Variants in SESTD1 observed in about 807,000 individuals in gnomAD.
The protein encoded by SESTD1 is SEC14 and spectrin domain containing 1, also known as SEC14 domain and spectrin repeat-containing protein 1.
Under a neutral mutation model 101.7 loss-of-function variants are expected in SESTD1, and 43 were observed. The observed-to-expected ratio is 0.42, with a 90% CI of 0.33 to 0.55. SESTD1 has a LOEUF of 0.55. Ranked by LOEUF, SESTD1 falls within the 20% of genes least tolerant of loss-of-function variation. SESTD1 has a pLI of 0.07. For synonymous variants in SESTD1, 283 were observed against 286.8 expected, an observed-to-expected ratio of 0.99 and a Z score of 0.13; for missense variants, 647 against 815.1, an observed-to-expected ratio of 0.79 and a Z score of 2.51.
rs1009729883 is a variant in SESTD1, at chr2:179,105,951, T to A, written c.*3948A>T. On this transcript the variant is annotated 3_prime_UTR_variant, in exon 18 of 18. Transcript: ENST00000428443. ...GCTAAACCTAGACTTTTCAGTAGCA[T>A]GTATGAAAGTCAAATAATGTCAAAT... 6.6e-6 allele frequency: 1 copy of A among 152,192 alleles called. No homozygotes were observed. The highest frequency in any genetic ancestry group is 1.5e-5 in the Non-Finnish European group (1 of 68,036). 9.4% of individuals were successfully genotyped at this position (152,192 alleles called of 1,614,324 possible). A position where few individuals can be genotyped will look rare whatever the true frequency, so the allele number is the denominator to read the frequency against.
intron 1 of SESTD1, among the ~76,000 whole-genome samples, chr2:179,256,122 C>T (rs970699296): frequency 5.3e-5 from 8 of 152,216 alleles, no homozygotes; most frequent in African/African-American, 7.2e-5. Context: ...TTAATGTTTC[C>T]ATACCTGCTG....
rs553106299 is a variant in SESTD1 at position 179,150,349 on chromosome 2, T to TA, written c.483+928dup. Among the ~76,000 whole-genome samples the TA allele has an allele frequency of 2.3e-3, 325 of 142,944 alleles. 1 individual carries two copies. Among genetic ancestry groups the TA allele is most frequent in the African/African-American group, 5.5e-3 (216 of 39,266 alleles). The allele number at this position is 142,944 out of a possible 152,430, so 93.8% of individuals were successfully genotyped here. ...GACGTTTGTTCTTTCAGTAGTTCAA[T>TA]AAAAAAAAAAAATCAAATTACACAG... is the stretch of plus-strand genomic sequence containing the variant. On this transcript the variant is annotated intron_variant, in intron 6 of 17. Transcript: ENST00000428443.
In SESTD1 at chr2:179,104,355, A is replaced by C. The variant is rs947980038; in HGVS notation, c.*5544T>G. On this transcript the variant is annotated 3_prime_UTR_variant, in exon 18 of 18. Coordinates refer to ENST00000428443, the MANE Select transcript of SESTD1 (RefSeq NM_178123.5). Reference sequence around the variant, plus strand: ...CAAATCTGTTGGCCATAAAGATAACATAAGAGTTAAGATGAGAAAACATTC... The same window carrying C: ...CAAATCTGTTGGCCATAAAGATAACCTAAGAGTTAAGATGAGAAAACATTC... 2.6e-5 allele frequency: 4 copies of C among 152,202 alleles called. No individual in the cohort carries two copies. The highest frequency in any genetic ancestry group is 5.9e-5 in the Non-Finnish European group (4 of 68,028). 9.4% of individuals were successfully genotyped at this position (152,202 alleles called of 1,614,324 possible). A position where few individuals can be genotyped will look rare whatever the true frequency, so the allele number is the denominator to read the frequency against.
Position 179,214,194 on chromosome 2 carries a change from T to C in SESTD1, c.-25-22328A>G, listed in dbSNP as rs2046687622. On this transcript the variant is annotated intron_variant, in intron 1 of 17. Coordinates refer to ENST00000428443, the MANE Select transcript of SESTD1 (RefSeq NM_178123.5). Reference sequence around the variant, plus strand: ...AAAAGACACAGACTGGCAAATTGGATAAAGAGTCAAGACCCATCAGTGTGC... The same window carrying C: ...AAAAGACACAGACTGGCAAATTGGACAAAGAGTCAAGACCCATCAGTGTGC... 1.5e-5 allele frequency among the ~76,000 whole-genome samples: 2 copies of C among 133,864 alleles called. 1 individual carries two copies. Among genetic ancestry groups the C allele is most frequent in the Non-Finnish European group, 3.2e-5 (2 of 62,518 alleles). 87.8% of individuals were successfully genotyped at this position (133,864 alleles called of 152,430 possible).
chr2:179,262,845 G>T (rs1225697610), intron 1 of SESTD1, among the ~76,000 whole-genome samples: 1 of 152,142 alleles, frequency 6.6e-6, no homozygotes, highest in Non-Finnish European at 1.5e-5. Flanking sequence ...GCCTAGCAAT[G>T]AATTAAAACC....
chr2:179,198,901 A>G (rs1456970260), intron 1 of SESTD1, among the ~76,000 whole-genome samples: 2 of 151,894 alleles, frequency 1.3e-5, no homozygotes, highest in Non-Finnish European at 2.9e-5. Flanking sequence ...AAGAACTAGA[A>G]AAGCAAGAGC....
At chr2:179,112,649 T>C (rs558272280) in intron 17 of SESTD1, 75 bp downstream of exon 17, 26 of 1,458,696 alleles carry the variant, frequency 1.8e-5, no homozygotes, top group East Asian at 2.5e-5. Flanking sequence ...TTTTAAAGAA[T>C]AGATTTCCTC....
At chr2:179,125,880 C>T (rs574727616) in intron 10 of SESTD1, among the ~76,000 whole-genome samples, 25 of 152,300 alleles carry the variant, frequency 1.6e-4, no homozygotes, top group Middle Eastern at 6.8e-3. Context: ...TCTTCTACAG[C>T]CCTATGCTCT....
chr2:179,222,662 G>A (rs1040470996), intron 1 of SESTD1, among the ~76,000 whole-genome samples: 1 of 152,106 alleles, frequency 6.6e-6, no homozygotes, highest in Non-Finnish European at 1.5e-5. Flanking sequence ...ACATGAAAAA[G>A]CTGAGGCACA....
At chr2:179,112,228 A>C (rs1423255308) in intron 17 of SESTD1, among the ~76,000 whole-genome samples, 3 of 152,202 alleles carry the variant, frequency 2.0e-5, no homozygotes, top group Non-Finnish European at 4.4e-5. Context: ...GCTAACTCTT[A>C]GAAGCTGTGA....
intron 4 of SESTD1, among the ~76,000 whole-genome samples, chr2:179,174,201 C>A (rs1192570943): frequency 6.6e-6 from 1 of 152,154 alleles, no homozygotes; most frequent in Non-Finnish European, 1.5e-5. Flanking sequence ...CAGTTATAGG[C>A]ACTGTGGGGT....
intron 1 of SESTD1, among the ~76,000 whole-genome samples, chr2:179,249,085 C>T (rs537585332): frequency 4.4e-5 from 6 of 137,188 alleles, no homozygotes; most frequent in African/African-American, 1.1e-4. Flanking sequence ...AGTGAGATCC[C>T]GTCTTTAAGA....
Position 179,113,954 on chromosome 2 carries a change from G to A in SESTD1, c.1840-1109C>T, listed in dbSNP as rs2044570465. On this transcript the variant is annotated intron_variant, in intron 16 of 17. Transcript: ENST00000428443. ...GAGGTGATTGGGGGAGCAGTACTGT[G>A]ATTACACAGGGTGGGGGGAGCTTCT... Among the ~76,000 whole-genome samples, 3 of 148,936 alleles carry A rather than the reference G, an allele frequency of 2.0e-5. No homozygotes were observed. In the South Asian group the frequency reaches 6.9e-4, roughly 34 times the overall value.
intron 5 of SESTD1, among the ~76,000 whole-genome samples, chr2:179,170,430 T>A (rs2045912129): frequency 6.6e-6 from 1 of 152,164 alleles, no homozygotes; most frequent in Non-Finnish European, 1.5e-5. Flanking sequence ...TTTAAACTGA[T>A]ACCATCTGTG....
chr2:179,153,228 T>C (rs916411076), intron 5 of SESTD1, among the ~76,000 whole-genome samples: 2 of 152,160 alleles, frequency 1.3e-5, no homozygotes, highest in Non-Finnish European at 2.9e-5. Context: ...AAGTGAATCA[T>C]TAGATTCTTT....
At chr2:179,229,756 T>A (rs1221709350) in intron 1 of SESTD1, among the ~76,000 whole-genome samples, 1 of 124,188 alleles carries the variant, frequency 8.1e-6, no homozygotes, top group Non-Finnish European at 1.7e-5. Context: ...AACTTATATA[T>A]ATATATATAT....
chr2:179,224,372 T>C (rs899476909), intron 1 of SESTD1, among the ~76,000 whole-genome samples: 2 of 152,216 alleles, frequency 1.3e-5, no homozygotes, highest in Admixed American at 6.5e-5. Flanking sequence ...CCCAACGTTA[T>C]GCAGCAAAAC....
intron 5 of SESTD1, among the ~76,000 whole-genome samples, chr2:179,153,863 A>G (rs1030724561): frequency 1.3e-5 from 2 of 152,152 alleles, no homozygotes; most frequent in Non-Finnish European, 2.9e-5. Flanking sequence ...CCATGAATCG[A>G]AACATTAAAT....
At chr2:179,140,976 C>CA (rs1314782371) in intron 9 of SESTD1, among the ~76,000 whole-genome samples, 1 of 152,162 alleles carries the variant, frequency 6.6e-6, no homozygotes, top group Admixed American at 6.5e-5. Flanking sequence ...CATGAAATGT[C>CA]AGAGTTTCTC....
Sources: allele counts gnomAD v4.1 joint callset (sites outside exome capture counted in the v4.1 genomes callset), GRCh38; gene constraint gnomAD v4.1.1; transcripts MANE v1.5; gene names NCBI Gene and HGNC (gene_info 2026-07-23, HGNC 2026-07-21).